Variants in ADAMTSL1 observed in about 807,000 individuals in gnomAD.
ADAMTSL1 encodes ADAMTS-like protein 1.
ADAMTSL1 carries 126 observed loss-of-function variants against 201.8 expected under a neutral mutation model. The observed-to-expected ratio is 0.62, with a 90% CI of 0.54 to 0.72. The LOEUF (loss-of-function observed/expected upper bound fraction) is 0.72, where lower values mean the gene tolerates loss of function less well. Among genes scored for constraint, ADAMTSL1 ranks in the 30% least tolerant of loss-of-function variants. ADAMTSL1 has a pLI of 0.00. For synonymous variants in ADAMTSL1, 1,121 were observed against 903.4 expected (o/e 1.24, Z -4.32); for missense variants, 2,679 against 2,277.8 (o/e 1.18, Z -3.59).
intron 2 of ADAMTSL1, among the ~76,000 whole-genome samples, chr9:18,392,923 A>T (rs1333179086): frequency 6.6e-6 from 1 of 152,196 alleles, no homozygotes; most frequent in African/African-American, 2.4e-5. Flanking sequence ...GCTATTTCAC[A>T]TGCTACCTAA....
At chr9:18,214,215 C>T (rs938014308) in intron 2 of ADAMTSL1, among the ~76,000 whole-genome samples, 1 of 152,102 alleles carries the variant, frequency 6.6e-6, no homozygotes, top group African/African-American at 2.4e-5. Context: ...CCCAGAATTA[C>T]ATTTAGAAAA....
chr9:18,173,496 GA>G (rs1169955789), intron 2 of ADAMTSL1, among the ~76,000 whole-genome samples: 2 of 152,000 alleles, frequency 1.3e-5, no homozygotes, highest in Non-Finnish European at 2.9e-5. Flanking sequence ...TCCTTTAAGG[GA>G]AAAATAATTC....
chr9:18,320,919 A>G (rs1408421226), intron 2 of ADAMTSL1, among the ~76,000 whole-genome samples: 2 of 152,140 alleles, frequency 1.3e-5, no homozygotes, highest in Non-Finnish European at 2.9e-5. Flanking sequence ...AATAGGAGGC[A>G]GAAATATAAA....
chr9:18,219,912 G>C (rs1379189814), intron 2 of ADAMTSL1, among the ~76,000 whole-genome samples: 1 of 151,848 alleles, frequency 6.6e-6, no homozygotes, highest in African/African-American at 2.4e-5. Context: ...TTTTTCTATA[G>C]ACTTGCTTTG....
chr9:18,820,974 A>G (rs922696450), intron 21 of ADAMTSL1, among the ~76,000 whole-genome samples: 1 of 152,238 alleles, frequency 6.6e-6, no homozygotes, highest in Admixed American at 6.5e-5. Context: ...TGTGGCTATA[A>G]TATCAAGAGC....
At chr9:18,543,564 A>T (rs1820289938) in intron 3 of ADAMTSL1, among the ~76,000 whole-genome samples, 2 of 152,210 alleles carry the variant, frequency 1.3e-5, no homozygotes, top group African/African-American at 4.8e-5. Flanking sequence ...CTTTGGTTCA[A>T]AACACATCAT....
intron 2 of ADAMTSL1, among the ~76,000 whole-genome samples, chr9:18,436,273 C>T (rs543433104): frequency 6.6e-6 from 1 of 152,192 alleles, no homozygotes; most frequent in African/African-American, 2.4e-5. Flanking sequence ...TCCAGCCACT[C>T]ACCTCTTCCA....
chr9:18,286,745 A>G (rs1833007089), intron 2 of ADAMTSL1, among the ~76,000 whole-genome samples: 1 of 152,176 alleles, frequency 6.6e-6, no homozygotes, highest in African/African-American at 2.4e-5. Context: ...AGAAGAGAAC[A>G]CATTTCTTTT....
At chr9:18,532,012 A>G (rs1000381249) in intron 2 of ADAMTSL1, among the ~76,000 whole-genome samples, 5 of 152,216 alleles carry the variant, frequency 3.3e-5, no homozygotes, top group African/African-American at 1.2e-4. Context: ...AATATTAAAT[A>G]AATTTATACA....
chr9:18,218,267 A>G (rs572935175), intron 2 of ADAMTSL1, among the ~76,000 whole-genome samples: 1 of 152,340 alleles, frequency 6.6e-6, no homozygotes, highest in Non-Finnish European at 1.5e-5. Flanking sequence ...CCTACAAAAT[A>G]TCAGTACCTT....
intron 21 of ADAMTSL1, among the ~76,000 whole-genome samples, chr9:18,818,517 C>G (rs1563827515): frequency 1.3e-5 from 2 of 152,182 alleles, no homozygotes; most frequent in East Asian, 1.9e-4. Flanking sequence ...TATGGCCAGA[C>G]CTGGTGGCTC....
chr9:17,999,115 A>G (rs1482225119), intron 1 of ADAMTSL1, among the ~76,000 whole-genome samples: 10 of 152,230 alleles, frequency 6.6e-5, no homozygotes, highest in African/African-American at 2.2e-4. Context: ...GAATACCCAT[A>G]AAGAGAAAAA....
intron 1 of ADAMTSL1, among the ~76,000 whole-genome samples, chr9:18,477,462 C>G (rs1226206515): frequency 6.6e-6 from 1 of 152,200 alleles, no homozygotes; most frequent in Admixed American, 6.5e-5. Flanking sequence ...CTCTCTCCCA[C>G]TATTATCTAA....
intron 2 of ADAMTSL1, among the ~76,000 whole-genome samples, chr9:18,231,513 C>G (rs1026393522): frequency 2.0e-5 from 3 of 152,122 alleles, no homozygotes; most frequent in South Asian, 2.1e-4. Flanking sequence ...GCTAAGTTTC[C>G]TTTGCCTGTT....
chr9:18,902,212 AG>A (rs1830052672), intron 26 of ADAMTSL1, among the ~76,000 whole-genome samples: 1 of 152,222 alleles, frequency 6.6e-6, no homozygotes. Flanking sequence ...ACTAAACAAA[AG>A]ATCAGTAAAG....
intron 5 of ADAMTSL1, among the ~76,000 whole-genome samples, chr9:18,625,091 C>T (rs1186177074): frequency 6.6e-6 from 1 of 152,168 alleles, no homozygotes; most frequent in Non-Finnish European, 1.5e-5. Context: ...GAACATGAGG[C>T]TGCTCTGCAG....
intron 1 of ADAMTSL1, among the ~76,000 whole-genome samples, chr9:18,101,982 C>G (rs1452696159): frequency 1.3e-5 from 2 of 152,094 alleles, no homozygotes; most frequent in Non-Finnish European, 2.9e-5. Context: ...GTATTCAGGG[C>G]AAGGACAGAA....
intron 3 of ADAMTSL1, among the ~76,000 whole-genome samples, chr9:18,568,063 C>T (rs1822050679): frequency 6.6e-6 from 1 of 152,122 alleles, no homozygotes. Context: ...GTACTGTGCT[C>T]ACCTGTTCTC....
chr9:18,833,866 T>C (rs1825152262), intron 23 of ADAMTSL1, among the ~76,000 whole-genome samples: 1 of 152,230 alleles, frequency 6.6e-6, no homozygotes, highest in Non-Finnish European at 1.5e-5. Context: ...AATTTTTGTA[T>C]ATGGAGTAAG....
Sources: gnomAD v4.1 joint callset for allele counts (sites outside exome capture counted in the v4.1 genomes callset) on GRCh38, gnomAD v4.1.1 for gene constraint, MANE v1.5 for transcripts, NCBI Gene and HGNC (gene_info 2026-07-23, HGNC 2026-07-21) for gene names.